Variants in CDKAL1 observed in about 807,000 individuals in gnomAD.
CDKAL1 encodes CDKAL1 threonylcarbamoyladenosine tRNA methylthiotransferase, also known as threonylcarbamoyladenosine tRNA methylthiotransferase.
A neutral mutation model predicts 68.2 loss-of-function variants in CDKAL1; 32 were observed. That is an observed-to-expected ratio of 0.47 (90% CI 0.35 to 0.63). The LOEUF (loss-of-function observed/expected upper bound fraction) is 0.63. Ranked by LOEUF, CDKAL1 falls within the 30% of genes least tolerant of loss-of-function variation. The pLI, the probability that CDKAL1 is intolerant of heterozygous loss-of-function variation, is 0.00. For synonymous variants in CDKAL1, 234 were observed against 244.3 expected, an observed-to-expected ratio of 0.96 and a Z score of 0.39; for missense variants, 606 against 696.7, an observed-to-expected ratio of 0.87 and a Z score of 1.47.
intron 9 of CDKAL1, among the ~76,000 whole-genome samples, chr6:20,900,492 G>C (rs1037157245): frequency 6.6e-6 from 1 of 152,316 alleles, no homozygotes; most frequent in East Asian, 1.9e-4. Flanking sequence ...CACCAGCATC[G>C]TAAGTAGATA....
intron 11 of CDKAL1, 113 bp from the exon 12 acceptor site, chr6:21,064,935 C>A: frequency 1.5e-6 from 1 of 659,774 alleles, no homozygotes; most frequent in Non-Finnish European, 2.3e-6. Context: ...TGCACGTGTG[C>A]TTTTTATAAA....
chr6:21,181,741 T>C (rs974987252), intron 13 of CDKAL1, among the ~76,000 whole-genome samples: 3 of 152,224 alleles, frequency 2.0e-5, no homozygotes, highest in East Asian at 3.8e-4. Flanking sequence ...TGTAACCTAC[T>C]ACAAAGCAGA....
At chr6:20,799,445 T>C (rs1035047388) in intron 8 of CDKAL1, among the ~76,000 whole-genome samples, 1 of 151,942 alleles carries the variant, frequency 6.6e-6, no homozygotes, top group Non-Finnish European at 1.5e-5. Flanking sequence ...GTGGGTAATA[T>C]GCGACGATTA....
chr6:21,106,480 G>A (rs1773846914), intron 12 of CDKAL1, among the ~76,000 whole-genome samples: 1 of 152,200 alleles, frequency 6.6e-6, no homozygotes. Context: ...GGAGGCTGAG[G>A]CAAAAGGATC....
chr6:20,928,369 G>A (rs567779937), intron 9 of CDKAL1, among the ~76,000 whole-genome samples: 1 of 152,336 alleles, frequency 6.6e-6, no homozygotes, highest in African/African-American at 2.4e-5. Flanking sequence ...TATGTGCAGT[G>A]ATTGTAATAT....
At chr6:21,003,371 T>TACACAC (rs55839331) in intron 11 of CDKAL1, among the ~76,000 whole-genome samples, 42 of 49,274 alleles carry the variant, frequency 8.5e-4, no homozygotes, top group East Asian at 3.5e-3. Flanking sequence ...TATATATATA[T>TACACAC]ACACACACAC....
chr6:20,667,547 C>T (rs1314712584), intron 5 of CDKAL1, among the ~76,000 whole-genome samples: 1 of 152,172 alleles, frequency 6.6e-6, no homozygotes, highest in Non-Finnish European at 1.5e-5. Flanking sequence ...TGAGGAAGGG[C>T]AGCTCCGACT....
intron 10 of CDKAL1, among the ~76,000 whole-genome samples, chr6:20,958,296 C>T (rs750274499): frequency 1.0e-3 from 156 of 152,214 alleles, no homozygotes; most frequent in Non-Finnish European, 5.6e-4. Context: ...TCCTTTGTTT[C>T]CTGGACCAGA....
chr6:20,568,761 A>G (rs1764582054), intron 4 of CDKAL1, among the ~76,000 whole-genome samples: 1 of 151,620 alleles, frequency 6.6e-6, no homozygotes, highest in African/African-American at 2.4e-5. Context: ...CAAAAAAACA[A>G]AAAAACAAAG....
intron 11 of CDKAL1, among the ~76,000 whole-genome samples, chr6:21,005,682 T>G: frequency 6.6e-6 from 1 of 152,212 alleles, no homozygotes; most frequent in Admixed American, 6.5e-5. Flanking sequence ...TATTGTTCAT[T>G]TTAGAATTTG....
chr6:20,729,220 T>C (rs1772792766), intron 5 of CDKAL1, among the ~76,000 whole-genome samples: 1 of 152,180 alleles, frequency 6.6e-6, no homozygotes, highest in Non-Finnish European at 1.5e-5. Flanking sequence ...AGGTACTCTT[T>C]ATGACATCTG....
At chr6:20,585,146 T>C (rs1421409088) in intron 4 of CDKAL1, among the ~76,000 whole-genome samples, 3 of 148,078 alleles carry the variant, frequency 2.0e-5, no homozygotes, top group Non-Finnish European at 4.5e-5. Context: ...AAGCTCCGCC[T>C]CCCGGGTTCA....
chr6:20,628,339 A>G (rs1161649084), intron 4 of CDKAL1, among the ~76,000 whole-genome samples: 1 of 152,170 alleles, frequency 6.6e-6, no homozygotes, highest in African/African-American at 2.4e-5. Flanking sequence ...TATTAAAAAT[A>G]CTATGAAGGG....
At chr6:20,587,133 C>T (rs1008233905) in intron 4 of CDKAL1, among the ~76,000 whole-genome samples, 3 of 151,866 alleles carry the variant, frequency 2.0e-5, no homozygotes, top group African/African-American at 4.8e-5. Context: ...ATTACAGGCG[C>T]GTGCCACCAC....
intron 9 of CDKAL1, among the ~76,000 whole-genome samples, chr6:20,910,694 C>T (rs1762430976): frequency 6.6e-6 from 1 of 152,168 alleles, no homozygotes; most frequent in Non-Finnish European, 1.5e-5. Flanking sequence ...AATTCTAACC[C>T]TGAATACCTC....
intron 4 of CDKAL1, among the ~76,000 whole-genome samples, chr6:20,596,058 A>G (rs1765808419): frequency 6.6e-6 from 1 of 152,202 alleles, no homozygotes. Context: ...TTCGTCTGCC[A>G]GATGCCAGCC....
intron 4 of CDKAL1, among the ~76,000 whole-genome samples, chr6:20,552,292 T>G (rs1489619976): frequency 1.3e-5 from 2 of 151,652 alleles, no homozygotes; most frequent in Non-Finnish European, 2.9e-5. Flanking sequence ...GAGGCTGCAG[T>G]GAGCTGTTCT....
chr6:21,002,481 G>A (rs1767479125), intron 11 of CDKAL1, among the ~76,000 whole-genome samples: 1 of 152,066 alleles, frequency 6.6e-6, no homozygotes, highest in African/African-American at 2.4e-5. Context: ...GCATCTCTGA[G>A]AGATTTTTAA....
chr6:21,186,516 A>G (rs149086659), intron 13 of CDKAL1, among the ~76,000 whole-genome samples: 24 of 152,352 alleles, frequency 1.6e-4, no homozygotes, highest in African/African-American at 5.8e-4. Flanking sequence ...TGGAAAATGT[A>G]GATGGCCTCT....
Sources: gnomAD v4.1 joint callset for allele counts (sites outside exome capture counted in the v4.1 genomes callset) on GRCh38, gnomAD v4.1.1 for gene constraint, MANE v1.5 for transcripts, NCBI Gene and HGNC (gene_info 2026-07-23, HGNC 2026-07-21) for gene names.